JCAD: variants seen among roughly 807,000 people sequenced by gnomAD.
The protein encoded by JCAD is junctional cadherin 5 associated.
Under a neutral mutation model 98.0 loss-of-function variants are expected in JCAD, and 40 were observed. The ratio of observed to expected loss-of-function variants is 0.41; its 90% CI spans 0.32 to 0.53. The LOEUF is 0.53. Ranked by LOEUF, JCAD falls within the 20% of genes least tolerant of loss-of-function variation. JCAD has a pLI of 0.31. For missense variants in JCAD, 1,705 were observed against 1,738.1 expected (o/e 0.98, Z 0.34); for synonymous variants, 691 against 682.3 (o/e 1.01, Z -0.20).
chr10:30,022,621 T>C (rs887546652), intron 3 of JCAD, among the ~76,000 whole-genome samples: 2 of 152,178 alleles, frequency 1.3e-5, no homozygotes, highest in Admixed American at 1.3e-4. Flanking sequence ...GACCATCACA[T>C]GAAAGGCCCA....
Position 30,023,813 on chromosome 10 carries a change from T to G in JCAD, c.4045+2290A>C, listed in dbSNP as rs185879259. Among the ~76,000 whole-genome samples the G allele has an allele frequency of 3.1e-3, 477 of 152,238 alleles. 3 individuals are homozygous for G. The highest frequency in any genetic ancestry group is 0.011 in the African/African-American group (459 of 41,542). ...ATTAAAATTTGCATTACCTGGGTGT[T>G]TTTAGATACCTACTGGACCTTCTCA... On this transcript the variant is annotated intron_variant, in intron 3 of 3. Coordinates refer to ENST00000375377, the MANE Select transcript of JCAD (RefSeq NM_020848.4).
intron 1 of JCAD, among the ~76,000 whole-genome samples, chr10:30,091,077 G>A (rs1169088025): frequency 6.6e-6 from 1 of 152,148 alleles, no homozygotes; most frequent in Non-Finnish European, 1.5e-5. Flanking sequence ...GTAACAACAT[G>A]GTAACTTAAA....
Position 30,065,392 on chromosome 10 carries a change from T to C in JCAD, n.250+4308A>G, listed in dbSNP as rs535500225. Among the ~76,000 whole-genome samples the C allele has an allele frequency of 9.5e-4, 145 of 152,238 alleles. 2 individuals carry two copies. The South Asian group carries it at 0.028, about 29-fold the overall frequency. On this transcript the variant is annotated intron_variant and non_coding_transcript_variant, in intron 2 of 2. Transcript: ENST00000465712. Reference sequence around the variant, plus strand: ...ATCTAATATGTATTAAATAAATAAATAAAAAGCTGCCAAATTGAAAAAAAT... The same window carrying C: ...ATCTAATATGTATTAAATAAATAAACAAAAAGCTGCCAAATTGAAAAAAAT...
chr10:30,040,078 C>T (rs1231528807), intron 2 of JCAD, among the ~76,000 whole-genome samples: 2 of 152,168 alleles, frequency 1.3e-5, no homozygotes, highest in Non-Finnish European at 2.9e-5. Flanking sequence ...GGGTGGCACA[C>T]AGGAAAGGGT....
intron 2 of JCAD, among the ~76,000 whole-genome samples, chr10:30,065,467 AT>A (rs1837767520): frequency 6.6e-6 from 1 of 152,136 alleles, no homozygotes; most frequent in African/African-American, 2.4e-5. Context: ...GTTTTTAGTT[AT>A]TGCTATGCTT....
intron 2 of JCAD, among the ~76,000 whole-genome samples, chr10:30,030,311 G>A (rs1349261428): frequency 2.0e-5 from 3 of 152,192 alleles, no homozygotes; most frequent in African/African-American, 7.2e-5. Flanking sequence ...AGGCATGGTA[G>A]TGCCCACCTG....
Position 30,026,532 on chromosome 10 carries a change from C to A in JCAD, c.3616G>T (p.Val1206Leu). Residue 1206 changes from valine (V) to leucine (L), a missense_variant, in exon 3 of 4, where the codon GTG becomes TTG. Val to Leu is a conservative substitution (Grantham distance 32, BLOSUM62 1). Coordinates refer to ENST00000375377, the MANE Select transcript of JCAD (RefSeq NM_020848.4). ...LESKFFEQKD[V>L]ETKPPFRSTL... is the part of the protein sequence containing the mutation. ...GACCTGAAGGGTGGTTTTGTTTCCA[C>A]ATCCTTTTGTTCGAAGAACTTGGAC... 6.2e-7 allele frequency: 1 copy of A among 1,614,246 alleles called. No individual in the cohort carries two copies. The highest frequency in any genetic ancestry group is 8.5e-7 in the Non-Finnish European group (1 of 1,180,046).
At chr10:30,114,490 C>T (rs951328729) in intron 1 of JCAD, among the ~76,000 whole-genome samples, 2 of 148,746 alleles carry the variant, frequency 1.3e-5, no homozygotes, top group African/African-American at 2.5e-5. Flanking sequence ...GATTGGCAAA[C>T]TAGAAAATAC....
At chr10:30,102,294 A>T (rs1332148415) in intron 1 of JCAD, among the ~76,000 whole-genome samples, 1 of 151,848 alleles carries the variant, frequency 6.6e-6, no homozygotes. Flanking sequence ...TCAGCCTCCC[A>T]ATTAGCTGGG....
Position 30,027,312 on chromosome 10 carries a change from AG to A in JCAD, c.2835del (p.Cys946AlafsTer30). 1 of 1,613,914 alleles carries A rather than the reference AG, an allele frequency of 6.2e-7. No homozygotes were observed. Reference protein sequence around the residue: ...FRVEEGGGAPFCSADGSTSAE... With the variant: ...FRVEEGGGAPXCSADGSTSAE... ...GCACTCGTGCTTCCATCTGCTGAGC[AG>A]AAAGGTGCACCGCCACCTTCTTCCA... On this transcript the variant is annotated frameshift_variant, in exon 3 of 4. Transcript: ENST00000375377. LOFTEE classifies it high-confidence loss of function.
chr10:30,103,692 T>A (rs945035043), intron 1 of JCAD, among the ~76,000 whole-genome samples: 4 of 151,400 alleles, frequency 2.6e-5, no homozygotes, highest in South Asian at 4.2e-4. Context: ...ATTGCTACTA[T>A]AATAACCTAC....
chr10:30,040,091 AGAACC>A (rs1837210381), intron 2 of JCAD, among the ~76,000 whole-genome samples: 1 of 152,194 alleles, frequency 6.6e-6, no homozygotes, highest in African/African-American at 2.4e-5. Context: ...GAAAGGGTGA[AGAACC>A]GAGTGTCTGT....
intron 1 of JCAD, among the ~76,000 whole-genome samples, chr10:30,114,971 A>G (rs1426698930): frequency 6.6e-6 from 1 of 152,194 alleles, no homozygotes; most frequent in Non-Finnish European, 1.5e-5. Context: ...TTTATTCAAT[A>G]AGAACATATG....
chr10:30,081,990 C>T (rs1276837473), intron 1 of JCAD, among the ~76,000 whole-genome samples: 3 of 152,184 alleles, frequency 2.0e-5, no homozygotes, highest in Non-Finnish European at 4.4e-5. Context: ...GCTAGAGGGT[C>T]AGTGGGTACA....
intron 1 of JCAD, among the ~76,000 whole-genome samples, chr10:30,073,672 TC>T (rs1837933074): frequency 8.8e-6 from 1 of 113,504 alleles, no homozygotes; most frequent in Admixed American, 1.0e-4. Context: ...CTTCCTTCCT[TC>T]CTTCCTTGCT....
In JCAD at chr10:30,109,666, T is replaced by C. The variant is rs1273883652; in HGVS notation, n.128+5701A>G. 2.6e-5 allele frequency among the ~76,000 whole-genome samples: 4 copies of C among 152,106 alleles called. No individual in the cohort carries two copies. The South Asian group carries it at 8.3e-4, about 32-fold the overall frequency. ...CCATCCCCACAATCCAAGGGTTGGG[T>C]GGATGGTGGAAGGATACTATGATTT... On this transcript the variant is annotated intron_variant and non_coding_transcript_variant, in intron 1 of 2. Transcript: ENST00000465712.
At chr10:30,093,141 G>A (rs1255385092) in intron 1 of JCAD, among the ~76,000 whole-genome samples, 10 of 152,130 alleles carry the variant, frequency 6.6e-5, no homozygotes. Flanking sequence ...TCTAGATATT[G>A]AGTCTACCAA....
intron 1 of JCAD, among the ~76,000 whole-genome samples, chr10:30,112,796 C>T (rs758459038): frequency 2.0e-5 from 3 of 148,900 alleles, no homozygotes; most frequent in Non-Finnish European, 4.4e-5. Flanking sequence ...TGCTTGAACC[C>T]GGGAGGCAGA....
At chr10:30,109,195 G>T (rs546791588) in intron 1 of JCAD, among the ~76,000 whole-genome samples, 1 of 152,266 alleles carries the variant, frequency 6.6e-6, no homozygotes, top group Non-Finnish European at 1.5e-5. Context: ...TACGATTGGC[G>T]GAGCGGAATT....
Sources: allele counts gnomAD v4.1 joint callset (sites outside exome capture counted in the v4.1 genomes callset), GRCh38; gene constraint gnomAD v4.1.1; transcripts MANE v1.5; gene names NCBI Gene and HGNC (gene_info 2026-07-23, HGNC 2026-07-21).